Variants in MPRIP observed in about 807,000 individuals in gnomAD.
MPRIP encodes the protein myosin phosphatase Rho-interacting protein.
In MPRIP, 59 loss-of-function variants were observed where a neutral mutation model predicts 234.9. The ratio of observed to expected loss-of-function variants is 0.25; its 90% confidence interval spans 0.20 to 0.31. The LOEUF is 0.31. Ranked by LOEUF, MPRIP falls within the 10% of genes least tolerant of loss-of-function variation. MPRIP has a pLI of 1.00. For missense variants in MPRIP, 2,436 were observed against 3,071.0 expected (o/e 0.79, Z 4.89); for synonymous variants, 1,144 against 1,263.9 (o/e 0.91, Z 2.01).
Position 17,173,810 on chromosome 17 carries a change from T to G in MPRIP, c.6591-106T>G, listed in dbSNP as rs377702342. ...AGGCTGATTAAGACAACAGACTGTG[T>G]GGGCCTGACCTGTGCTTGGCTGTGT... On this transcript the variant is annotated intron_variant, in intron 18 of 23. Coordinates refer to ENST00000651222, the MANE Select transcript of MPRIP (RefSeq NM_001364716.4). 3.7e-5 allele frequency: 49 copies of G among 1,312,016 alleles called. 1 individual carries two copies. Among genetic ancestry groups the G allele is most frequent in the African/African-American group, 3.5e-4 (24 of 69,206 alleles). The allele number at this position is 1,312,016 out of a possible 1,614,324, so 81.3% of individuals were successfully genotyped here.
intron 3 of MPRIP, among the ~76,000 whole-genome samples, chr17:17,091,488 A>G (rs2089716450): frequency 6.6e-6 from 1 of 152,070 alleles, no homozygotes; most frequent in Non-Finnish European, 1.5e-5. Flanking sequence ...ACCAAGAGAG[A>G]CACTCCTCAA....
chr17:17,066,873 CA>C (rs1399307518), intron 1 of MPRIP, among the ~76,000 whole-genome samples: 1 of 151,646 alleles, frequency 6.6e-6, no homozygotes, highest in East Asian at 1.9e-4. Flanking sequence ...CCTCATGCCT[CA>C]GCCTCCCACG....
intron 16 of MPRIP, among the ~76,000 whole-genome samples, chr17:17,169,588 G>A (rs1251009579): frequency 1.3e-5 from 2 of 152,260 alleles, no homozygotes; most frequent in South Asian, 2.1e-4. Flanking sequence ...CAGGGGCTTG[G>A]ACACTGTCCA....
At chr17:17,055,074 T>C (rs1002157618) in intron 1 of MPRIP, among the ~76,000 whole-genome samples, 2 of 151,928 alleles carry the variant, frequency 1.3e-5, no homozygotes, top group Non-Finnish European at 2.9e-5. Flanking sequence ...ATTTCTTTTT[T>C]TTTTAGAGGG....
chr17:17,097,966 A>G (rs2089882952), intron 3 of MPRIP, among the ~76,000 whole-genome samples: 1 of 152,174 alleles, frequency 6.6e-6, no homozygotes, highest in South Asian at 2.1e-4. Context: ...AAAAAATCTT[A>G]TTTTAGATCC....
chr17:17,163,766 C>G (rs1278292634), intron 15 of MPRIP, among the ~76,000 whole-genome samples: 1 of 152,124 alleles, frequency 6.6e-6, no homozygotes, highest in African/African-American at 2.4e-5. Flanking sequence ...TCCCGCCTGT[C>G]CCTCTTCCTG....
chr17:17,133,545 A>G (rs981202551), intron 5 of MPRIP, among the ~76,000 whole-genome samples: 3 of 152,206 alleles, frequency 2.0e-5, no homozygotes, highest in African/African-American at 4.8e-5. Context: ...CCAAGACCCT[A>G]TATTTCTTTC....
At position 17,042,811 on chromosome 17, in the gene MPRIP, G is replaced by C. The variant is rs1199989260; in HGVS notation, c.-38G>C. ...CGGGAGCGCCAGGCCGGCCAGGCCT[G>C]CGCCGCCGCCGCCGCCGCCGTCGCC... On this transcript the variant is annotated 5_prime_UTR_variant, in exon 1 of 24. Transcript: ENST00000651222. 6.0e-6 allele frequency: 8 copies of C among 1,342,372 alleles called. No individual in the cohort carries two copies. Among genetic ancestry groups the C allele is most frequent in the Non-Finnish European group, 7.8e-6 (8 of 1,023,828 alleles). 83.2% of individuals were successfully genotyped at this position (1,342,372 alleles called of 1,614,324 possible).
chr17:17,120,129 G>A (rs1335285584), intron 3 of MPRIP, among the ~76,000 whole-genome samples: 1 of 152,182 alleles, frequency 6.6e-6, no homozygotes, highest in Non-Finnish European at 1.5e-5. Context: ...TCCCACCCAG[G>A]TCTCACGTGC....
intron 3 of MPRIP, among the ~76,000 whole-genome samples, chr17:17,088,792 G>A (rs2089649632): frequency 6.6e-6 from 1 of 151,126 alleles, no homozygotes; most frequent in Non-Finnish European, 1.5e-5. Flanking sequence ...GGCAGGCAAT[G>A]TAGTATGTTA....
chr17:17,164,892 C>T lies in MPRIP; in HGVS notation c.3301C>T (p.Gln1101Ter). Residue 1101 changes from glutamine (Q) to a stop codon, truncating the protein, a stop_gained, in exon 16 of 24, where the codon CAG (glutamine) becomes TAG (stop). Transcript: ENST00000651222. LOFTEE classifies it high-confidence loss of function. ...ASVRRLAEHV[Q>*]SLCDERDLLR... ...CGTGCGCAGGCTCGCAGAGCACGTG[C>T]AGAGCCTCTGTGACGAGCGGGACCT... The T allele has an allele frequency of 7.7e-7, 1 of 1,303,878 alleles. No individual in the cohort carries two copies. The highest frequency in any genetic ancestry group is 1.5e-5 in the African/African-American group (1 of 65,996). 80.8% of individuals were successfully genotyped at this position (1,303,878 alleles called of 1,614,324 possible).
intron 14 of MPRIP, among the ~76,000 whole-genome samples, chr17:17,160,764 C>T (rs1222460637): frequency 6.6e-6 from 1 of 152,214 alleles, no homozygotes; most frequent in Admixed American, 6.5e-5. Flanking sequence ...GGCCACCACT[C>T]ACAGTGGTCC....
chr17:17,161,180 T>C lies in MPRIP; in HGVS notation c.2401-60T>C, dbSNP rs1597483948. On this transcript the variant is annotated intron_variant, in intron 14 of 23. Coordinates refer to ENST00000651222, the MANE Select transcript of MPRIP (RefSeq NM_001364716.4). The stretch of plus-strand genomic sequence containing the variant: ...AAGACCAGTGAAAGAGTCTGTGCTG[T>C]GCAGCTGCTTTGTTTATCATTGTCA... 4 of 1,234,930 alleles carry C rather than the reference T, an allele frequency of 3.2e-6. No homozygotes were observed. The East Asian group carries it at 7.2e-5, about 22-fold the overall frequency. The allele number at this position is 1,234,930 out of a possible 1,614,324, so 76.5% of individuals were successfully genotyped here.
At chr17:17,064,478 C>G (rs2088962930) in intron 1 of MPRIP, among the ~76,000 whole-genome samples, 1 of 152,174 alleles carries the variant, frequency 6.6e-6, no homozygotes, top group Admixed American at 6.5e-5. Context: ...CCTTCTGCAA[C>G]ACTGTGGTAC....
At chr17:17,168,892 A>G (rs775971650) in intron 16 of MPRIP, 1 of 456,684 alleles carries the variant, frequency 2.2e-6, no homozygotes, top group Non-Finnish European at 4.4e-6. Flanking sequence ...GGTGGCTGCC[A>G]CTGCTCCTGC....
chr17:17,088,936 G>C (rs2089652858), intron 3 of MPRIP, among the ~76,000 whole-genome samples: 1 of 152,232 alleles, frequency 6.6e-6, no homozygotes, highest in Non-Finnish European at 1.5e-5. Flanking sequence ...GGATCTCAGA[G>C]ATGCAGGTCA....
intron 15 of MPRIP, among the ~76,000 whole-genome samples, chr17:17,162,697 A>G (rs1468892782): frequency 6.6e-6 from 1 of 152,208 alleles, no homozygotes; most frequent in African/African-American, 2.4e-5. Context: ...AGTAAAGATA[A>G]AAGTTCAGCA....
At chr17:17,050,207 C>G (rs1020111428) in intron 1 of MPRIP, among the ~76,000 whole-genome samples, 1 of 149,944 alleles carries the variant, frequency 6.7e-6, no homozygotes, top group Admixed American at 6.8e-5. Flanking sequence ...CCCAGCTACT[C>G]AGGAGGCTGA....
At chr17:17,162,401 G>A (rs1347309212) in intron 15 of MPRIP, among the ~76,000 whole-genome samples, 1 of 152,232 alleles carries the variant, frequency 6.6e-6, no homozygotes, top group Non-Finnish European at 1.5e-5. Context: ...TGGAACAGGG[G>A]CACTCAGCTG....
Sources: allele counts gnomAD v4.1 joint callset (sites outside exome capture counted in the v4.1 genomes callset), GRCh38; gene constraint gnomAD v4.1.1; transcripts MANE v1.5; gene names NCBI Gene and HGNC (gene_info 2026-07-23, HGNC 2026-07-21).